Variants in LMBR1 observed in about 807,000 individuals in gnomAD.
LMBR1 encodes the protein limb region 1 protein homolog.
In LMBR1, 52 loss-of-function variants were observed where a neutral mutation model predicts 73.9. The ratio of observed to expected loss-of-function variants is 0.70; its 90% CI spans 0.56 to 0.89. LMBR1 has a LOEUF of 0.89. LMBR1 is among the 40% of genes least tolerant of loss of function. The pLI is 0.00. For missense variants in LMBR1, 539 were observed against 579.8 expected (o/e 0.93, Z 0.72); for synonymous variants, 215 against 209.4 (o/e 1.03, Z -0.23).
Position 156,833,748 on chromosome 7 carries a change from C to T in LMBR1, c.179+5G>A. ...AACAGAACAACTGAACTTTAAAATA[C>T]ATACGAAATCCTGTTGACGATGGCA... On this transcript the variant is annotated splice_donor_5th_base_variant and intron_variant, in intron 3 of 16. Coordinates refer to ENST00000353442, the MANE Select transcript of LMBR1 (RefSeq NM_022458.4). The T allele has an allele frequency of 6.3e-7, 1 of 1,594,826 alleles. No homozygotes were observed. The highest frequency in any genetic ancestry group is 8.6e-7 in the Non-Finnish European group (1 of 1,169,502).
intron 1 of LMBR1, among the ~76,000 whole-genome samples, chr7:156,880,278 A>G (rs953545700): frequency 6.6e-6 from 1 of 152,204 alleles, no homozygotes; most frequent in Non-Finnish European, 1.5e-5. Flanking sequence ...GTTCTCACTC[A>G]TAAGTGGGAA....
chr7:156,738,251 G>T (rs941694684), intron 9 of LMBR1, among the ~76,000 whole-genome samples: 2 of 152,132 alleles, frequency 1.3e-5, no homozygotes, highest in Non-Finnish European at 2.9e-5. Flanking sequence ...AGCTGTGCTG[G>T]GCTCAACCAC....
At chr7:156,805,344 G>T (rs1333762418) in intron 4 of LMBR1, among the ~76,000 whole-genome samples, 1 of 151,300 alleles carries the variant, frequency 6.6e-6, no homozygotes, top group Non-Finnish European at 1.5e-5. Flanking sequence ...AGACTCCCAA[G>T]TAGCTGGGAT....
Position 156,683,833 on chromosome 7 carries a change from G to T in LMBR1, c.*245C>A. On this transcript the variant is annotated 3_prime_UTR_variant, in exon 17 of 17. Transcript: ENST00000353442. ...TGAGCAAATGTCTACAGAAGAATGC[G>T]CTGTTCTATATGTCTGTAAGGAATC... 2.5e-6 allele frequency: 1 copy of T among 398,644 alleles called. No individual in the cohort carries two copies. Among genetic ancestry groups the T allele is most frequent in the Non-Finnish European group, 4.4e-6 (1 of 225,488 alleles). 24.7% of individuals were successfully genotyped at this position (398,644 alleles called of 1,614,324 possible).
intron 9 of LMBR1, among the ~76,000 whole-genome samples, chr7:156,749,115 G>T (rs979512495): frequency 2.0e-5 from 3 of 152,110 alleles, no homozygotes; most frequent in African/African-American, 7.2e-5. Flanking sequence ...TTCTCAAAGT[G>T]GCCCAGAGTC....
intron 5 of LMBR1, among the ~76,000 whole-genome samples, chr7:156,776,970 C>T (rs1040589734): frequency 1.3e-5 from 2 of 149,136 alleles, no homozygotes; most frequent in Middle Eastern, 3.2e-3. Context: ...TCTCGCCTGT[C>T]GCCCAGGCTG....
In LMBR1 at chr7:156,709,222, G is replaced by C. The variant is rs114423417; in HGVS notation, c.1225+14890C>G. Among the ~76,000 whole-genome samples the C allele has an allele frequency of 4.9e-3, 751 of 152,326 alleles. 8 individuals carry two copies. Among genetic ancestry groups the C allele is most frequent in the African/African-American group, 0.017 (718 of 41,568 alleles). On this transcript the variant is annotated intron_variant, in intron 15 of 16. Transcript: ENST00000353442. ...CTACTATGGCAGCTGGAACTCTCTTGAAAGTGAGGCCAACCAACTGGCCAA... is the reference window on the plus strand; with the variant it reads ...CTACTATGGCAGCTGGAACTCTCTTCAAAGTGAGGCCAACCAACTGGCCAA...
At chr7:156,696,476 C>A (rs576027145) in intron 15 of LMBR1, among the ~76,000 whole-genome samples, 1 of 152,222 alleles carries the variant, frequency 6.6e-6, no homozygotes, top group Non-Finnish European at 1.5e-5. Flanking sequence ...TAAAGACATA[C>A]CCGAGACTGG....
chr7:156,713,281 C>G (rs1337538406), intron 15 of LMBR1, among the ~76,000 whole-genome samples: 1 of 151,940 alleles, frequency 6.6e-6, no homozygotes, highest in Non-Finnish European at 1.5e-5. Context: ...ATTTTTAGGG[C>G]AGTGAAACTA....
intron 5 of LMBR1, among the ~76,000 whole-genome samples, chr7:156,765,981 G>A (rs948525457): frequency 6.6e-6 from 1 of 152,140 alleles, no homozygotes. Flanking sequence ...TTATAACACT[G>A]TAACAATAAT....
intron 4 of LMBR1, among the ~76,000 whole-genome samples, chr7:156,815,032 T>C (rs914879452): frequency 1.3e-5 from 2 of 151,670 alleles, no homozygotes; most frequent in Admixed American, 6.6e-5. Flanking sequence ...GGCACACGCC[T>C]ATAATCCCAG....
chr7:156,783,472 T>A (rs1827511023), intron 5 of LMBR1, among the ~76,000 whole-genome samples: 1 of 152,154 alleles, frequency 6.6e-6, no homozygotes, highest in South Asian at 2.1e-4. Context: ...AGCCACTGTG[T>A]CCAACCAACA....
chr7:156,785,977 T>A (rs576313124), intron 5 of LMBR1, among the ~76,000 whole-genome samples: 1 of 152,256 alleles, frequency 6.6e-6, no homozygotes, highest in African/African-American at 2.4e-5. Flanking sequence ...AACTGAATGA[T>A]TTAATTATGC....
Position 156,685,164 on chromosome 7 carries a change from C to T in LMBR1, c.1388-1001G>A, listed in dbSNP as rs986067690. Reference sequence around the variant, plus strand: ...TCACAGAATAAAAAACTATCACTATCTTTTAAAGTTACATTTATTTCTCTC... The same window carrying T: ...TCACAGAATAAAAAACTATCACTATTTTTTAAAGTTACATTTATTTCTCTC... On this transcript the variant is annotated intron_variant, in intron 16 of 16. Transcript: ENST00000353442. The surrounding 1 kb of genome is among the most constrained non-coding windows in gnomAD (Gnocchi z 4.1). 4.6e-5 allele frequency among the ~76,000 whole-genome samples: 7 copies of T among 152,218 alleles called. No individual in the cohort carries two copies. Among genetic ancestry groups the T allele is most frequent in the African/African-American group, 1.7e-4 (7 of 41,452 alleles).
chr7:156,891,056 T>C (rs1023696431), intron 1 of LMBR1, among the ~76,000 whole-genome samples: 1 of 151,108 alleles, frequency 6.6e-6, no homozygotes, highest in African/African-American at 2.4e-5. Context: ...CTGGGTGTGG[T>C]GGTGTGTGCC....
intron 15 of LMBR1, among the ~76,000 whole-genome samples, chr7:156,696,867 C>T (rs1469968510): frequency 6.6e-6 from 1 of 152,158 alleles, no homozygotes; most frequent in Non-Finnish European, 1.5e-5. Context: ...TAACTCATTT[C>T]AGCATTAACT....
At chr7:156,799,930 C>T (rs536878554) in intron 4 of LMBR1, among the ~76,000 whole-genome samples, 4 of 152,318 alleles carry the variant, frequency 2.6e-5, no homozygotes, top group East Asian at 3.9e-4. Context: ...AAAGCCACAG[C>T]CTGAGCAAGG....
intron 15 of LMBR1, among the ~76,000 whole-genome samples, chr7:156,715,747 T>C (rs1365343401): frequency 6.6e-6 from 1 of 152,218 alleles, no homozygotes; most frequent in Non-Finnish European, 1.5e-5. Context: ...CTGGCTTATT[T>C]CACTTAAATG....
chr7:156,859,784 A>AT (rs1340196938), intron 1 of LMBR1, among the ~76,000 whole-genome samples: 1 of 152,214 alleles, frequency 6.6e-6, no homozygotes, highest in Admixed American at 6.5e-5. Flanking sequence ...TATTTTCTGG[A>AT]TATCAAGAAA....
Sources: allele counts gnomAD v4.1 joint callset (sites outside exome capture counted in the v4.1 genomes callset), GRCh38; gene constraint gnomAD v4.1.1; non-coding constraint Gnocchi (gnomAD v3.1); transcripts MANE v1.5; gene names NCBI Gene and HGNC (gene_info 2026-07-23, HGNC 2026-07-21).